Variants in NTAQ1 observed in about 807,000 individuals in gnomAD.
The protein encoded by NTAQ1 is protein N-terminal glutamine amidohydrolase.
A neutral mutation model predicts 28.2 loss-of-function variants in NTAQ1; 21 were observed. The ratio of observed to expected loss-of-function variants is 0.74; its 90% CI spans 0.53 to 1.07. The LOEUF (loss-of-function observed/expected upper bound fraction) is 1.07. Ranked by LOEUF, NTAQ1 falls within the 50% of genes least tolerant of loss-of-function variation. NTAQ1 has a pLI of 0.00. For synonymous variants in NTAQ1, 105 were observed against 90.0 expected, an observed-to-expected ratio of 1.17 and a Z score of -0.94; for missense variants, 264 against 256.6, an observed-to-expected ratio of 1.03 and a Z score of -0.20.
At chr8:123,450,574 C>T (rs1267709101), downstream of NTAQ1, among the ~76,000 whole-genome samples, 3 of 152,136 alleles carry the variant, frequency 2.0e-5, no homozygotes, top group Admixed American at 6.6e-5. Flanking sequence ...GTCTGTCCTC[C>T]AGGGCCACTG....
At chr8:123,422,159 T>C (rs1461838358) in intron 1 of NTAQ1, among the ~76,000 whole-genome samples, 2 of 152,172 alleles carry the variant, frequency 1.3e-5, no homozygotes, top group Non-Finnish European at 2.9e-5. Flanking sequence ...GCCTATTTTT[T>C]AATGGGGTTG....
chr8:123,453,792 T>A (rs1345564030), intron 6 of NTAQ1, among the ~76,000 whole-genome samples: 2 of 152,202 alleles, frequency 1.3e-5, no homozygotes, highest in Non-Finnish European at 2.9e-5. Flanking sequence ...ATAAGGTAGA[T>A]ACCATTATTC....
At chr8:123,418,928 C>G (rs1158811318) in intron 1 of NTAQ1, among the ~76,000 whole-genome samples, 1 of 152,142 alleles carries the variant, frequency 6.6e-6, no homozygotes, top group Admixed American at 6.5e-5. Context: ...CACCCTAGCC[C>G]TAGTTATGAC....
chr8:123,452,846 G>A (rs1040484925), downstream of NTAQ1, among the ~76,000 whole-genome samples: 1 of 152,026 alleles, frequency 6.6e-6, no homozygotes, highest in Non-Finnish European at 1.5e-5. Context: ...GGTGGAGATC[G>A]CACCATTGCA....
downstream of NTAQ1, among the ~76,000 whole-genome samples, chr8:123,444,545 C>T (rs58126276): frequency 3.3e-5 from 5 of 150,912 alleles, 1 homozygote; most frequent in Admixed American, 1.3e-4. Flanking sequence ...CTCGCTCTAT[C>T]GCCCAGGCTG....
At chr8:123,457,956 C>T (rs186214100) in intron 6 of NTAQ1, among the ~76,000 whole-genome samples, 4 of 151,106 alleles carry the variant, frequency 2.6e-5, no homozygotes, top group African/African-American at 9.7e-5. Flanking sequence ...ATCGCTTGAA[C>T]CCGGGAGGTG....
intron 3 of NTAQ1, 24 bp from the exon 4 acceptor site, chr8:123,436,429 A>G (rs772474235): frequency 1.9e-6 from 3 of 1,610,184 alleles, no homozygotes. Flanking sequence ...TAACTTGGTT[A>G]ACTTCAGCAA....
rs1457667698 is a variant in NTAQ1 at position 123,469,733 on chromosome 8, C to T, written c.*2583C>T. 5.9e-5 allele frequency among the ~76,000 whole-genome samples: 9 copies of T among 152,292 alleles called. No homozygotes were observed. The East Asian group carries it at 1.5e-3, about 26-fold the overall frequency. On this transcript the variant is annotated 3_prime_UTR_variant, in exon 7 of 7. Transcript: ENST00000650311. ...AGCAGTTGTTTTACTAATTCATTCA[C>T]CAAAAGTGATTATCAAACGTCTACT...
At position 123,441,450 on chromosome 8, in the gene NTAQ1, C is replaced by A; in HGVS notation, c.*35C>A. The A allele has an allele frequency of 6.6e-7, 1 of 1,521,414 alleles. No homozygotes were observed. Among genetic ancestry groups the A allele is most frequent in the Non-Finnish European group, 9.0e-7 (1 of 1,105,818 alleles). The allele number at this position is 1,521,414 out of a possible 1,614,324, so 94.2% of individuals were successfully genotyped here. A position where few individuals can be genotyped will look rare whatever the true frequency, so the allele number is the denominator to read the frequency against. The stretch of plus-strand genomic sequence containing the variant: ...CAAGATGTGGAACTGTGGAGAAATT[C>A]TAGGACATGAACAAGCTATCCTTTC... On this transcript the variant is annotated 3_prime_UTR_variant, in exon 6 of 6. Transcript: ENST00000287387.
chr8:123,438,723 T>C (rs7840703), intron 5 of NTAQ1, among the ~76,000 whole-genome samples: 1 of 151,080 alleles, frequency 6.6e-6, no homozygotes, highest in Non-Finnish European at 1.5e-5. Context: ...GAAAGTAAAA[T>C]ATACATTTGG....
intron 5 of NTAQ1, among the ~76,000 whole-genome samples, chr8:123,440,495 CT>C: frequency 7.5e-6 from 1 of 133,358 alleles, no homozygotes; most frequent in Non-Finnish European, 1.6e-5. Flanking sequence ...AGTAGCGTTC[CT>C]TTCTTCTTTT....
At chr8:123,437,179 C>T in intron 4 of NTAQ1, 31 bp from the exon 5 acceptor site, 2 of 1,612,084 alleles carry the variant, frequency 1.2e-6, no homozygotes, top group Non-Finnish European at 1.7e-6. Context: ...TGACATCTCC[C>T]TAATGTGAGT....
At chr8:123,442,588 C>G (rs2130340537), downstream of NTAQ1, among the ~76,000 whole-genome samples, 1 of 115,404 alleles carries the variant, frequency 8.7e-6, no homozygotes, top group East Asian at 2.6e-4. Flanking sequence ...GAGCAAGACT[C>G]CATCTCAGAA....
At chr8:123,435,533 G>C in intron 3 of NTAQ1, 1 of 985,298 alleles carries the variant, frequency 1.0e-6, no homozygotes, top group Non-Finnish European at 1.2e-6. Flanking sequence ...ATGTACTTCT[G>C]AATGCGCACG....
chr8:123,417,722 C>T (rs1379616364), intron 1 of NTAQ1, among the ~76,000 whole-genome samples: 1 of 152,092 alleles, frequency 6.6e-6, no homozygotes, highest in East Asian at 1.9e-4. Context: ...GTCACTAAAC[C>T]AATGCCACCA....
intron 6 of NTAQ1, among the ~76,000 whole-genome samples, chr8:123,462,061 T>C (rs1288060024): frequency 1.3e-5 from 2 of 152,184 alleles, no homozygotes; most frequent in Admixed American, 1.3e-4. Flanking sequence ...TTAAAAATTT[T>C]TTTTAAGACA....
chr8:123,465,159 T>C (rs368768843), intron 6 of NTAQ1, among the ~76,000 whole-genome samples: 3 of 152,318 alleles, frequency 2.0e-5, no homozygotes, highest in South Asian at 2.1e-4. Flanking sequence ...GGGAGTTCCA[T>C]GTACCCTTCA....
At chr8:123,439,998 A>G (rs934355819) in intron 5 of NTAQ1, among the ~76,000 whole-genome samples, 2 of 151,062 alleles carry the variant, frequency 1.3e-5, no homozygotes, top group Admixed American at 6.6e-5. Context: ...TTTTAGATAC[A>G]TGCATTATTG....
At chr8:123,437,580 G>A (rs1814795205) in intron 5 of NTAQ1, among the ~76,000 whole-genome samples, 1 of 152,010 alleles carries the variant, frequency 6.6e-6, no homozygotes, top group African/African-American at 2.4e-5. Flanking sequence ...ACAGGCACCT[G>A]TAGTCCCAGC....
Sources: allele counts gnomAD v4.1 joint callset (sites outside exome capture counted in the v4.1 genomes callset), GRCh38; gene constraint gnomAD v4.1.1; transcripts MANE v1.5; gene names NCBI Gene and HGNC (gene_info 2026-07-23, HGNC 2026-07-21).